FARS2: variants seen among roughly 807,000 people sequenced by gnomAD.
The protein encoded by FARS2 is phenylalanine--tRNA ligase, mitochondrial.
In FARS2, 40 loss-of-function variants were observed where a neutral mutation model predicts 46.4. The ratio of observed to expected loss-of-function variants is 0.86; its 90% CI spans 0.67 to 1.12. FARS2 has a LOEUF of 1.12. FARS2 is among the 50% of genes most tolerant of loss of function. FARS2 has a pLI of 0.00. For missense variants in FARS2, 513 were observed against 567.9 expected, an observed-to-expected ratio of 0.90 and a Z score of 0.98; for synonymous variants, 234 against 214.9, an observed-to-expected ratio of 1.09 and a Z score of -0.78.
At chr6:5,430,827 G>A (rs147058252) in intron 3 of FARS2, among the ~76,000 whole-genome samples, 1 of 152,220 alleles carries the variant, frequency 6.6e-6, no homozygotes, top group African/African-American at 2.4e-5. Context: ...CTGGAATTAC[G>A]CAAAGTGTTT....
chr6:5,279,221 C>CA (rs1398339030), intron 1 of FARS2, among the ~76,000 whole-genome samples: 2 of 151,366 alleles, frequency 1.3e-5, no homozygotes, highest in African/African-American at 4.9e-5. Flanking sequence ...ACTAAAAATA[C>CA]AAAAAATTAG....
chr6:5,702,037 C>G (rs1192442279), intron 6 of FARS2, among the ~76,000 whole-genome samples: 1 of 152,158 alleles, frequency 6.6e-6, no homozygotes, highest in East Asian at 1.9e-4. Context: ...TATTTTTTAA[C>G]TTTGTCAAGC....
chr6:5,260,712 G>A, upstream of FARS2: 1 of 1,551,304 alleles, frequency 6.4e-7, no homozygotes, highest in Non-Finnish European at 8.7e-7. Context: ...GATAACACTT[G>A]TGCGCGACTG....
intron 6 of FARS2, among the ~76,000 whole-genome samples, chr6:5,724,812 G>A (rs1760144845): frequency 6.6e-6 from 1 of 152,206 alleles, no homozygotes; most frequent in Non-Finnish European, 1.5e-5. Context: ...AATTTCCACA[G>A]ATGAATCCTA....
chr6:5,579,281 G>C (rs571695321), intron 5 of FARS2, among the ~76,000 whole-genome samples: 1 of 151,860 alleles, frequency 6.6e-6, no homozygotes, highest in Non-Finnish European at 1.5e-5. Flanking sequence ...GTTTTTTTTA[G>C]ATGGAGTATT....
chr6:5,364,950 G>A (rs1365401032), intron 1 of FARS2, among the ~76,000 whole-genome samples: 1 of 151,992 alleles, frequency 6.6e-6, no homozygotes, highest in Non-Finnish European at 1.5e-5. Context: ...ACTGGAGCCT[G>A]AGACAGGAGG....
Position 5,547,992 on chromosome 6 carries a change from C to T in FARS2, c.1065+2652C>T, listed in dbSNP as rs548449472. Among the ~76,000 whole-genome samples, 9 of 152,212 alleles carry T rather than the reference C, an allele frequency of 5.9e-5. No homozygotes were observed. In the East Asian group the frequency reaches 1.2e-3, roughly 19 times the overall value. On this transcript the variant is annotated intron_variant, in intron 5 of 6. Transcript: ENST00000274680. ...GGGAAGAAAAAGAGGTTTAATTGGACGTACAGTTCCACATGGCTGGGGAGG... is the reference window on the plus strand; with the variant it reads ...GGGAAGAAAAAGAGGTTTAATTGGATGTACAGTTCCACATGGCTGGGGAGG...
intron 6 of FARS2, among the ~76,000 whole-genome samples, chr6:5,691,497 A>G (rs1757713684): frequency 1.3e-5 from 2 of 152,162 alleles, no homozygotes; most frequent in Non-Finnish European, 2.9e-5. Flanking sequence ...GAGGCTGCAG[A>G]ACAGCGGATA....
chr6:5,281,452 T>A (rs1048274541), intron 1 of FARS2, among the ~76,000 whole-genome samples: 27 of 152,222 alleles, frequency 1.8e-4, no homozygotes, highest in Admixed American at 6.5e-5. Flanking sequence ...TTTTTAAAAT[T>A]GTGGTAAAAT....
intron 1 of FARS2, among the ~76,000 whole-genome samples, chr6:5,270,669 A>G (rs1038781046): frequency 2.6e-5 from 4 of 152,236 alleles, no homozygotes; most frequent in Admixed American, 6.5e-5. Flanking sequence ...TAATTTTTAT[A>G]TCACCTTCTC....
chr6:5,331,044 G>A (rs1424385794), intron 1 of FARS2, among the ~76,000 whole-genome samples: 1 of 151,092 alleles, frequency 6.6e-6, no homozygotes, highest in African/African-American at 2.4e-5. Context: ...GGTCAAGGGT[G>A]CAGTGAGCTG....
At chr6:5,569,600 T>C (rs1489325992) in intron 5 of FARS2, among the ~76,000 whole-genome samples, 1 of 152,198 alleles carries the variant, frequency 6.6e-6, no homozygotes, top group Non-Finnish European at 1.5e-5. Context: ...TTGTTTGTTT[T>C]AATTGGCATA....
intron 6 of FARS2, among the ~76,000 whole-genome samples, chr6:5,614,405 C>CGTCTTTTTTT (rs1561753252): frequency 6.8e-6 from 1 of 147,356 alleles, no homozygotes; most frequent in African/African-American, 2.6e-5. Context: ...CTGTTTCCTT[C>CGTCTTTTTTT]TTTGTCTTTT....
chr6:5,519,693 C>CTT (rs1769016233), intron 4 of FARS2, among the ~76,000 whole-genome samples: 1 of 152,276 alleles, frequency 6.6e-6, no homozygotes, highest in Admixed American at 6.5e-5. Context: ...CAGTATGACT[C>CTT]TGAGTCCAGT....
At chr6:5,387,047 C>G (rs1198368532) in intron 2 of FARS2, among the ~76,000 whole-genome samples, 1 of 151,946 alleles carries the variant, frequency 6.6e-6, no homozygotes, top group Non-Finnish European at 1.5e-5. Context: ...GTGAAGAAGA[C>G]CAAAAAAGAG....
Position 5,431,187 on chromosome 6 carries a change from C to G in FARS2, c.904+15C>G. On this transcript the variant is annotated intron_variant, in intron 4 of 6. Coordinates refer to ENST00000274680, the MANE Select transcript of FARS2 (RefSeq NM_006567.5). ...GGTCAATTCAGGTAAAAAAGAATCC[C>G]ACATTTTATTTACACGTGCTCTAAA... The G allele has an allele frequency of 6.2e-7, 1 of 1,613,014 alleles. No individual in the cohort carries two copies. The highest frequency in any genetic ancestry group is 8.5e-7 in the Non-Finnish European group (1 of 1,179,290).
intron 4 of FARS2, among the ~76,000 whole-genome samples, chr6:5,534,831 A>G (rs950323131): frequency 2.2e-5 from 3 of 134,056 alleles, no homozygotes; most frequent in African/African-American, 8.0e-5. Context: ...ATGCACGCAC[A>G]CACACGCACG....
In FARS2 at chr6:5,742,877, C is replaced by T. The variant is rs2150954148; in HGVS notation, c.1218-28414C>T. Among the ~76,000 whole-genome samples the T allele has an allele frequency of 2.0e-5, 3 of 152,078 alleles. No homozygotes were observed. In the South Asian group the frequency reaches 6.2e-4, roughly 32 times the overall value. On this transcript the variant is annotated intron_variant, in intron 6 of 6. Coordinates refer to ENST00000274680, the MANE Select transcript of FARS2 (RefSeq NM_006567.5). ...GGAGGAAAGGAGCAAGTATCCACAG[C>T]CCTGCCAGGAAATGGGTTCTCAGGA...
intron 4 of FARS2, among the ~76,000 whole-genome samples, chr6:5,433,773 GC>G (rs570692867): frequency 2.9e-4 from 44 of 152,224 alleles, no homozygotes; most frequent in Non-Finnish European, 4.7e-4. Context: ...GTGTCAGGGG[GC>G]TGAAGCTCAG....
Sources: allele counts gnomAD v4.1 joint callset (sites outside exome capture counted in the v4.1 genomes callset), GRCh38; gene constraint gnomAD v4.1.1; transcripts MANE v1.5; gene names NCBI Gene and HGNC (gene_info 2026-07-23, HGNC 2026-07-21).